The following DRC9 variants were observed in gnomAD, a reference collection of about 807,000 sequenced individuals.
DRC9 encodes dynein regulatory complex subunit 9, also known as dynein regulatory complex protein 9.
At chr3:197,934,561 G>C in the DRC9 span, among the ~76,000 whole-genome samples, 1 of 152,158 alleles carries the variant, frequency 6.6e-6, no homozygotes, top group African/African-American at 2.4e-5. Flanking sequence ...ACCAGGTTCA[G>C]GAAAGTTAAG....
At chr3:197,953,589 T>C in the DRC9 span, 1 of 458,118 alleles carries the variant, frequency 2.2e-6, no homozygotes, top group Non-Finnish European at 4.4e-6. Context: ...CTTCATGGCA[T>C]TTCCCCTCCC....
At chr3:197,945,335 G>A in the DRC9 span, among the ~76,000 whole-genome samples, 19 of 152,270 alleles carry the variant, frequency 1.2e-4, no homozygotes, top group Admixed American at 1.2e-3. Flanking sequence ...CTCTGTCAAT[G>A]AACCACCTTG....
chr3:197,956,624 G>GTTTTTTTTTTTTTTTTTTTTTTTTTT, the DRC9 span: 1 of 135,190 alleles, frequency 7.4e-6, no homozygotes, highest in Non-Finnish European at 1.6e-5. Flanking sequence ...TTGCTGTATG[G>GTTTTTTTTTTTTTTTTTTTTTTTTTT]TTTTTTTTTT....
the DRC9 span, among the ~76,000 whole-genome samples, chr3:197,902,075 C>T: frequency 6.6e-6 from 1 of 152,154 alleles, no homozygotes; most frequent in African/African-American, 2.4e-5. Flanking sequence ...AGAGTCTCTC[C>T]CTGGCAATCC....
chr3:197,903,130 A>G, the DRC9 span, among the ~76,000 whole-genome samples: 1 of 152,232 alleles, frequency 6.6e-6, no homozygotes, highest in South Asian at 2.1e-4. Context: ...ATCCATATGC[A>G]GAAGAATGAA....
At chr3:197,914,182 T>C in the DRC9 span, 3 of 726,286 alleles carry the variant, frequency 4.1e-6, no homozygotes, top group Non-Finnish European at 4.7e-6. Flanking sequence ...CAATGGGAAA[T>C]TTAGCCAACA....
At chr3:197,924,721 T>A in the DRC9 span, among the ~76,000 whole-genome samples, 2 of 152,182 alleles carry the variant, frequency 1.3e-5, no homozygotes, top group Non-Finnish European at 2.9e-5. Flanking sequence ...GGTTTCAGCA[T>A]GTTGGCCAGG....
chr3:197,896,558 C>T, the DRC9 span, among the ~76,000 whole-genome samples: 2 of 152,114 alleles, frequency 1.3e-5, no homozygotes, highest in African/African-American at 4.8e-5. Flanking sequence ...TTAGTCCATT[C>T]CAGCTGCTAT....
At chr3:197,950,609 T>TAA in the DRC9 span, 1 of 398,092 alleles carries the variant, frequency 2.5e-6, no homozygotes, top group East Asian at 4.8e-5. Flanking sequence ...ACGTGTGTGT[T>TAA]TCTCTTTAAG....
At chr3:197,902,630 C>T in the DRC9 span, among the ~76,000 whole-genome samples, 1 of 151,624 alleles carries the variant, frequency 6.6e-6, no homozygotes, top group African/African-American at 2.4e-5. Flanking sequence ...AGAAGGACTT[C>T]GTGAGCCTGA....
chr3:197,893,772 C>T, the DRC9 span, among the ~76,000 whole-genome samples: 1 of 151,818 alleles, frequency 6.6e-6, no homozygotes, highest in Non-Finnish European at 1.5e-5. Context: ...CTCTTGAACC[C>T]GGGAGACAGA....
chr3:197,889,636 T>G, the DRC9 span: 1 of 1,614,222 alleles, frequency 6.2e-7, no homozygotes, highest in Non-Finnish European at 8.5e-7. Flanking sequence ...TTTGAATCCT[T>G]GCTATCAACT....
chr3:197,929,606 T>TA, the DRC9 span, among the ~76,000 whole-genome samples: 2 of 151,764 alleles, frequency 1.3e-5, no homozygotes, highest in Admixed American at 6.6e-5. This position sits in a 1 kb window ranked among gnomAD's most constrained non-coding sequence, Gnocchi z 4.6. Context: ...ACTTCATCTC[T>TA]AAAAAAACAA....
chr3:197,894,618 T>C, the DRC9 span: 2 of 152,190 alleles, frequency 1.3e-5, no homozygotes, highest in African/African-American at 2.4e-5. Context: ...ATTTGTGTAC[T>C]TTCTAGAAAC....
At chr3:197,934,660 G>C in the DRC9 span, among the ~76,000 whole-genome samples, 1 of 151,916 alleles carries the variant, frequency 6.6e-6, no homozygotes, top group African/African-American at 2.4e-5. Context: ...TGTTCTTCAT[G>C]ATCCTCTCCT....
the DRC9 span, among the ~76,000 whole-genome samples, chr3:197,946,360 G>GCAGTGAGAATGGCAGAGCTTGCA: frequency 6.6e-6 from 1 of 151,046 alleles, no homozygotes; most frequent in South Asian, 2.1e-4. Flanking sequence ...GCGTGAACCT[G>GCAGTGAGAATGGCAGAGCTTGCA]GGAGGCAGAG....
chr3:197,941,072 A>G, the DRC9 span, among the ~76,000 whole-genome samples: 3 of 152,176 alleles, frequency 2.0e-5, no homozygotes, highest in Non-Finnish European at 4.4e-5. Context: ...GGCTGACAGC[A>G]GGTAGCATTG....
At chr3:197,954,057 A>G in the DRC9 span, 6 of 1,613,978 alleles carry the variant, frequency 3.7e-6, no homozygotes, top group African/African-American at 2.7e-5. Context: ...TCTGGGGAAA[A>G]GTAACTCGGG....
At chr3:197,950,521 C>A in the DRC9 span, 9 of 299,908 alleles carry the variant, frequency 3.0e-5, no homozygotes, top group African/African-American at 1.5e-4. Flanking sequence ...CCGTTTCCTC[C>A]CAGTCCATAC....
Sources: gnomAD v4.1 joint callset for allele counts (sites outside exome capture counted in the v4.1 genomes callset) on GRCh38, gnomAD v4.1.1 for gene constraint, Gnocchi (gnomAD v3.1) non-coding constraint, MANE v1.5 for transcripts, NCBI Gene and HGNC (gene_info 2026-07-23, HGNC 2026-07-21) for gene names.